ITSN2: variants seen among roughly 807,000 people sequenced by gnomAD.
ITSN2 encodes the protein intersectin-2.
In ITSN2, 156 loss-of-function variants were observed where a neutral mutation model predicts 243.7. The ratio of observed to expected loss-of-function variants is 0.64; its 90% confidence interval spans 0.56 to 0.73. ITSN2 has a LOEUF of 0.73. ITSN2 is among the 30% of genes least tolerant of loss of function. The pLI, the probability that ITSN2 is intolerant of heterozygous loss-of-function variation, is 0.00. For synonymous variants in ITSN2, 703 were observed against 699.9 expected, an observed-to-expected ratio of 1.00 and a Z score of -0.07; for missense variants, 1,801 against 1,996.1, an observed-to-expected ratio of 0.90 and a Z score of 1.86.
chr2:24,253,302 TACTC>T (rs747597873), intron 24 of ITSN2, among the ~76,000 whole-genome samples: 2 of 149,064 alleles, frequency 1.3e-5, no homozygotes, highest in African/African-American at 2.5e-5. Context: ...TTCCCAGTAT[TACTC>T]AATTAATTTA....
intron 32 of ITSN2, among the ~76,000 whole-genome samples, chr2:24,213,532 A>G (rs1669692346): frequency 1.3e-5 from 2 of 152,192 alleles, no homozygotes; most frequent in South Asian, 4.1e-4. Flanking sequence ...TTGCTGTCAC[A>G]AGCATCTTCG....
At chr2:24,205,147 A>G in intron 38 of ITSN2, 67 bp downstream of exon 38, 2 of 1,380,646 alleles carry the variant, frequency 1.4e-6, no homozygotes, top group Non-Finnish European at 2.1e-6. Flanking sequence ...ACTCTGTCTC[A>G]AAAAGTCATC....
At chr2:24,314,466 G>T (rs1418811364) in intron 3 of ITSN2, among the ~76,000 whole-genome samples, 1 of 152,126 alleles carries the variant, frequency 6.6e-6, no homozygotes, top group Admixed American at 6.5e-5. Context: ...CTTAGTCTCA[G>T]TTTCACTATT....
At chr2:24,347,863 G>C (rs1687689592) in intron 1 of ITSN2, among the ~76,000 whole-genome samples, 1 of 152,026 alleles carries the variant, frequency 6.6e-6, no homozygotes, top group African/African-American at 2.4e-5. Context: ...ATTCGAGGCT[G>C]GGAGTTCAAG....
At position 24,340,210 on chromosome 2, in the gene ITSN2, G is replaced by A. The variant is rs111437147; in HGVS notation, c.-33-12095C>T. Reference sequence around the variant, plus strand: ...AAGTTGAATGTACTTGGCAGGGCGCGGTGGCTCACGCCTGAAATCCCAACA... The same window carrying A: ...AAGTTGAATGTACTTGGCAGGGCGCAGTGGCTCACGCCTGAAATCCCAACA... On this transcript the variant is annotated intron_variant, in intron 1 of 39. Transcript: ENST00000355123. Among the ~76,000 whole-genome samples, 741 of 152,054 alleles carry A rather than the reference G, an allele frequency of 4.9e-3. 12 individuals carry two copies. The highest frequency in any genetic ancestry group is 0.017 in the African/African-American group (722 of 41,496).
At chr2:24,226,107 T>A (rs555828335) in intron 29 of ITSN2, among the ~76,000 whole-genome samples, 127 of 152,350 alleles carry the variant, frequency 8.3e-4, no homozygotes, top group African/African-American at 2.8e-3. Flanking sequence ...AGGGACTGTG[T>A]CTAACACATT....
intron 16 of ITSN2, among the ~76,000 whole-genome samples, chr2:24,285,788 GTTAA>G (rs1339727315): frequency 3.9e-5 from 6 of 152,152 alleles, no homozygotes; most frequent in African/African-American, 1.4e-4. Context: ...TTTAACAAAG[GTTAA>G]TTAAATTACA....
chr2:24,217,844 G>T, intron 31 of ITSN2, 63 bp downstream of exon 31: 2 of 1,107,404 alleles, frequency 1.8e-6, no homozygotes, highest in Non-Finnish European at 2.7e-6. Context: ...AGAGGGTTTT[G>T]TGTGAGTCTC....
chr2:24,299,595 T>A (rs1239705111), intron 12 of ITSN2, among the ~76,000 whole-genome samples: 2 of 152,226 alleles, frequency 1.3e-5, no homozygotes, highest in Admixed American at 6.5e-5. Context: ...TTTCGTCTAA[T>A]GACTTGCTCA....
intron 34 of ITSN2, 44 bp downstream of exon 34, chr2:24,210,736 C>G (rs1339711827): frequency 6.3e-7 from 1 of 1,583,588 alleles, no homozygotes; most frequent in Non-Finnish European, 8.6e-7. Flanking sequence ...GTTCCCCACC[C>G]AGAGCCTCCC....
Position 24,216,249 on chromosome 2 carries a change from C to T in ITSN2, c.3807-17G>A, listed in dbSNP as rs1280209257. ...CGCAAAGCCCTGCCAAGAACACACT[C>T]TCATTTTGTGTTTCTAAGTGAATGA... On this transcript the variant is annotated splice_polypyrimidine_tract_variant and intron_variant, in intron 31 of 39. Coordinates refer to ENST00000355123, the MANE Select transcript of ITSN2 (RefSeq NM_006277.3). 6.4e-7 allele frequency: 1 copy of T among 1,556,564 alleles called. No homozygotes were observed. The highest frequency in any genetic ancestry group is 8.7e-7 in the Non-Finnish European group (1 of 1,149,574).
At chr2:24,256,306 C>T (rs1347813926) in intron 23 of ITSN2, among the ~76,000 whole-genome samples, 1 of 152,252 alleles carries the variant, frequency 6.6e-6, no homozygotes. Context: ...TCCAGAAACA[C>T]AGAAACTCAG....
chr2:24,284,211 T>C (rs1679181808), intron 17 of ITSN2, among the ~76,000 whole-genome samples: 1 of 152,242 alleles, frequency 6.6e-6, no homozygotes, highest in Non-Finnish European at 1.5e-5. Flanking sequence ...ATTTATATAA[T>C]TTAAACATTT....
At position 24,216,037 on chromosome 2, in the gene ITSN2, G is replaced by A. The variant is rs375721352; in HGVS notation, c.3990+12C>T. 36 of 1,573,528 alleles carry A rather than the reference G, an allele frequency of 2.3e-5. No homozygotes were observed. Among genetic ancestry groups the A allele is most frequent in the African/African-American group, 1.4e-5 (1 of 73,424 alleles). ...GAAGGAGCCTGACCCGCAAGGCCCA[G>A]AATGGAATTACCTTTAAAAATTCTT... On this transcript the variant is annotated intron_variant, in intron 32 of 39. Coordinates refer to ENST00000355123, the MANE Select transcript of ITSN2 (RefSeq NM_006277.3).
chr2:24,221,456 G>A, intron 29 of ITSN2: 1 of 162,630 alleles, frequency 6.1e-6, no homozygotes, highest in Non-Finnish European at 1.3e-5. Flanking sequence ...ATATCATTTT[G>A]GTTTTAAAAT....
chr2:24,336,885 T>C (rs1173996382), intron 1 of ITSN2, among the ~76,000 whole-genome samples: 1 of 152,010 alleles, frequency 6.6e-6, no homozygotes, highest in African/African-American at 2.4e-5. Context: ...ATGAATTGGG[T>C]AAATAATATG....
At chr2:24,289,535 C>G (rs1408366067) in intron 15 of ITSN2, among the ~76,000 whole-genome samples, 2 of 152,200 alleles carry the variant, frequency 1.3e-5, no homozygotes, top group Non-Finnish European at 2.9e-5. Flanking sequence ...AGGATCATGT[C>G]ATCTGCAGAC....
At chr2:24,210,698 T>C in intron 34 of ITSN2, 82 bp downstream of exon 34, 1 of 1,344,370 alleles carries the variant, frequency 7.4e-7, no homozygotes, top group South Asian at 1.3e-5. Context: ...AGGTGCAGAC[T>C]GTCCACGTGA....
chr2:24,313,437 G>A (rs751015620), intron 4 of ITSN2, 23 bp downstream of exon 4: 2 of 1,593,298 alleles, frequency 1.3e-6, no homozygotes, highest in South Asian at 1.1e-5. Context: ...CAGAAAATTA[G>A]GTTCATCTAC....
Sources: allele counts gnomAD v4.1 joint callset (sites outside exome capture counted in the v4.1 genomes callset), GRCh38; gene constraint gnomAD v4.1.1; transcripts MANE v1.5; gene names NCBI Gene and HGNC (gene_info 2026-07-23, HGNC 2026-07-21).